MAGEB1: variants seen among roughly 807,000 people sequenced by gnomAD.
MAGEB1 encodes MAGE family member B1.
For synonymous variants in MAGEB1, 99 were observed against 105.7 expected (o/e 0.94, Z 0.39); for missense variants, 290 against 286.7 (o/e 1.01, Z -0.08).
upstream of MAGEB1, among the ~76,000 whole-genome samples, chrX:30,246,691 T>C (rs938043237): frequency 5.3e-5 from 6 of 112,221 alleles, no homozygotes; most frequent in Admixed American, 1.9e-4. Context: ...TCACCCCGTT[T>C]TGAGGCATCA....
upstream of MAGEB1, among the ~76,000 whole-genome samples, chrX:30,244,679 A>G (rs968275432): frequency 1.8e-5 from 2 of 111,992 alleles, no homozygotes; most frequent in Non-Finnish European, 3.8e-5. Context: ...CGCACTGAGC[A>G]GGGGTCACAC....
At chrX:30,246,905 G>A (rs1390599360), upstream of MAGEB1, among the ~76,000 whole-genome samples, 1 of 112,495 alleles carries the variant, frequency 8.9e-6, no homozygotes, top group Non-Finnish European at 1.9e-5. Flanking sequence ...AGGCCTGTGA[G>A]GCCCAGGCAG....
intron 1 of MAGEB1, among the ~76,000 whole-genome samples, chrX:30,249,419 G>A (rs1319012673): frequency 2.7e-5 from 3 of 111,247 alleles, no homozygotes; most frequent in Admixed American, 9.5e-5. Context: ...GTATGTCAGC[G>A]CTAGGAAGCC....
rs1369432934 is a variant in MAGEB1 at position 30,251,047 on chromosome X, A to G, written c.554A>G (p.Asn185Ser). ...YTLVSKLNLTNDGNLSNDWDF... is the reference protein window; with the variant it reads ...YTLVSKLNLTSDGNLSNDWDF... ...CTCGTCAGTAAGCTAAACCTCACCA[A>G]TGATGGAAACCTGAGCAATGATTGG... The change falls in exon 2 of 2, where the codon AAT becomes AGT. Residue 185 changes from asparagine (N) to serine (S), a missense_variant. Physicochemically the swap from Asn to Ser is conservative, Grantham distance 46 (BLOSUM62 1). Coordinates refer to ENST00000397548, the MANE Select transcript of MAGEB1 (RefSeq NM_177404.3). 12 of 1,211,134 alleles carry G rather than the reference A, an allele frequency of 9.9e-6. No homozygotes were observed. Among genetic ancestry groups the G allele is most frequent in the Non-Finnish European group, 1.3e-5 (12 of 895,162 alleles).
chrX:30,248,567 T>G (rs1925406668), intron 1 of MAGEB1, among the ~76,000 whole-genome samples: 1 of 111,229 alleles, frequency 9.0e-6, no homozygotes, highest in South Asian at 3.9e-4. Flanking sequence ...TAAAAGATGG[T>G]GACACTGAGG....
At position 30,250,600 on chromosome X, in the gene MAGEB1, A is replaced by T; in HGVS notation, c.107A>T (p.Glu36Val). 8.3e-7 allele frequency: 1 copy of T among 1,208,851 alleles called. No individual in the cohort carries two copies. The highest frequency in any genetic ancestry group is 1.8e-5 in the South Asian group (1 of 56,260). ...GCTCACGCCACTGCAGCAGAGAAAG[A>T]GGAGTGCCCCTCCTCCTCTCCTGTT... ...KVAHATAAEKEECPSSSPVLG... is the reference protein window; with the variant it reads ...KVAHATAAEKVECPSSSPVLG... Residue 36 changes from glutamate to valine, a missense_variant, in exon 2 of 2, where the codon GAG becomes GTG. Glu to Val is a moderately radical substitution (Grantham distance 121). Transcript: ENST00000397548.
In MAGEB1 at chrX:30,251,131, A is replaced by G; in HGVS notation, c.638A>G (p.Asn213Ser). 1 of 1,210,677 alleles carries G rather than the reference A, an allele frequency of 8.3e-7. No individual in the cohort carries two copies. The highest frequency in any genetic ancestry group is 3.0e-5 in the East Asian group (1 of 33,820). Residue 213 changes from asparagine to serine, a missense_variant, in exon 2 of 2, where the codon AAC (asparagine) becomes AGC (serine). Transcript: ENST00000397548. ...CTGGGTGTGATCTTCTTAAAGGGCA[A>G]CTCTGCCACCGAGGAAGAGATCTGG... is the stretch of plus-strand genomic sequence containing the variant. ...PLLGVIFLKG[N>S]SATEEEIWKF...
chrX:30,251,518 G>A lies in MAGEB1; in HGVS notation c.1025G>A (p.Arg342Lys). ...GCGCGTTCTAGAGCCCCATTCAGCA[G>A]GTCCTCCCACCCCATGTGAGAACTC... ...FRARSRAPFS[R>K]SSHPM Residue 342 changes from arginine (R) to lysine (K), a missense_variant, in exon 2 of 2, where the codon AGG (arginine) becomes AAG (lysine). By Grantham distance (26) the Arg-to-Lys change is conservative (BLOSUM62 2). Transcript: ENST00000397548. 8.3e-7 allele frequency: 1 copy of A among 1,205,989 alleles called. No homozygotes were observed. Among genetic ancestry groups the A allele is most frequent in the Non-Finnish European group, 1.1e-6 (1 of 891,971 alleles).
Position 30,250,443 on chromosome X carries a change from C to T in MAGEB1, c.-51C>T. 9.6e-7 allele frequency: 1 copy of T among 1,042,422 alleles called. No homozygotes were observed. Among genetic ancestry groups the T allele is most frequent in the Middle Eastern group, 3.2e-4 (1 of 3,102 alleles). 85.9% of individuals were successfully genotyped at this position (1,042,422 alleles called of 1,213,427 possible). ...ATTCTCTCTCCTTCAGGTGCCACAT[C>T]TCCTGCCTTTCTGCTCACTTTCCTG... On this transcript the variant is annotated 5_prime_UTR_variant, in exon 2 of 2. Coordinates refer to ENST00000397548, the MANE Select transcript of MAGEB1 (RefSeq NM_177404.3).
At chrX:30,246,912 G>A (rs989658174), upstream of MAGEB1, among the ~76,000 whole-genome samples, 6 of 112,546 alleles carry the variant, frequency 5.3e-5, no homozygotes, top group Non-Finnish European at 1.1e-4. Context: ...TGAGGCCCAG[G>A]CAGGGGTGGC....
upstream of MAGEB1, among the ~76,000 whole-genome samples, chrX:30,246,020 T>G (rs1925294858): frequency 9.0e-6 from 1 of 111,692 alleles, no homozygotes; most frequent in South Asian, 3.8e-4. Flanking sequence ...TGGTCAAATT[T>G]TTGCAGGGAT....
upstream of MAGEB1, among the ~76,000 whole-genome samples, chrX:30,246,985 T>A (rs1234932703): frequency 8.9e-6 from 1 of 112,411 alleles, no homozygotes; most frequent in Non-Finnish European, 1.9e-5. Flanking sequence ...TGTTTGAGGC[T>A]GGCGGATTTG....
intron 1 of MAGEB1, among the ~76,000 whole-genome samples, chrX:30,247,787 AG>A (rs754739668): frequency 0.015 from 1,684 of 109,829 alleles, 36 homozygotes; most frequent in African/African-American, 0.054. Flanking sequence ...TACTAAAAAT[AG>A]AAAAAATTAG....
intron 1 of MAGEB1, 88 bp downstream of exon 1, chrX:30,247,344 G>A (rs1245098310): frequency 8.9e-6 from 1 of 112,388 alleles, no homozygotes; most frequent in Admixed American, 9.3e-5. Flanking sequence ...AGCCCTCAGA[G>A]GCCCTGGGCT....
At chrX:30,248,204 C>T (rs749617769) in intron 1 of MAGEB1, among the ~76,000 whole-genome samples, 2 of 111,509 alleles carry the variant, frequency 1.8e-5, no homozygotes, top group East Asian at 5.7e-4. Context: ...GATGCTGTCC[C>T]TGGGAGTCCC....
rs764364549 is a variant in MAGEB1, at chrX:30,251,296, A to G, written c.803A>G (p.Tyr268Cys). Reference sequence around the variant, plus strand: ...GTGCCCAACAGTGATCCCCCACGCTATCAATTCCTATGGGGTCCGAGAGCC... The same window carrying G: ...GTGCCCAACAGTGATCCCCCACGCTGTCAATTCCTATGGGGTCCGAGAGCC... ...EQVPNSDPPR[Y>C]QFLWGPRAYA... Residue 268 changes from tyrosine to cysteine, a missense_variant, in exon 2 of 2, where the codon TAT (tyrosine) becomes TGT (cysteine). Coordinates refer to ENST00000397548, the MANE Select transcript of MAGEB1 (RefSeq NM_177404.3). The G allele has an allele frequency of 1.3e-5, 16 of 1,210,398 alleles. 1 individual carries two copies. In the East Asian group the frequency reaches 1.8e-4, roughly 13 times the overall value.
In MAGEB1 at chrX:30,250,747, G is replaced by A; in HGVS notation, c.254G>A (p.Cys85Tyr). ...SCTESDEGAKCQGEENASFSQ... is the reference protein window; with the variant it reads ...SCTESDEGAKYQGEENASFSQ... ...ACCGAATCTGACGAAGGTGCCAAAT[G>A]CCAAGGTGAGGAAAATGCAAGTTTC... is the stretch of plus-strand genomic sequence containing the variant. Residue 85 changes from cysteine to tyrosine, a missense_variant, in exon 2 of 2, where the codon TGC becomes TAC. Coordinates refer to ENST00000397548, the MANE Select transcript of MAGEB1 (RefSeq NM_177404.3). 1 of 1,211,274 alleles carries A rather than the reference G, an allele frequency of 8.3e-7. No homozygotes were observed. The highest frequency in any genetic ancestry group is 1.1e-6 in the Non-Finnish European group (1 of 895,215).
Position 30,251,206 on chromosome X carries a change from A to T in MAGEB1, c.713A>T (p.Tyr238Phe). Residue 238 changes from tyrosine (Y) to phenylalanine (F), a missense_variant, in exon 2 of 2, where the codon TAT becomes TTT. By Grantham distance (22) the Tyr-to-Phe change is conservative. Transcript: ENST00000397548. ...GAYDGEEHLI[Y>F]GEPRKFITQD... ...TATGATGGAGAGGAGCACTTAATCT[A>T]TGGGGAACCCCGTAAGTTCATCACC... is the stretch of plus-strand genomic sequence containing the variant. 8.3e-7 allele frequency: 1 copy of T among 1,212,073 alleles called. No homozygotes were observed. The highest frequency in any genetic ancestry group is 3.0e-5 in the East Asian group (1 of 33,852).
Position 30,251,612 on chromosome X carries a change from G to A in MAGEB1, c.*75G>A, listed in dbSNP as rs1434480237. Reference sequence around the variant, plus strand: ...TTGAAGTAGTGAGCAGCCAAGATATGGCTAGAGAGATCATCATATATATCT... The same window carrying A: ...TTGAAGTAGTGAGCAGCCAAGATATAGCTAGAGAGATCATCATATATATCT... On this transcript the variant is annotated 3_prime_UTR_variant, in exon 2 of 2. Transcript: ENST00000397548. 3 of 839,688 alleles carry A rather than the reference G, an allele frequency of 3.6e-6. No individual in the cohort carries two copies. Among genetic ancestry groups the A allele is most frequent in the Admixed American group, 6.0e-5 (2 of 33,589 alleles). 69.2% of individuals were successfully genotyped at this position (839,688 alleles called of 1,213,427 possible). A position where few individuals can be genotyped will look rare whatever the true frequency, so the allele number is the denominator to read the frequency against.
Sources: allele counts gnomAD v4.1 joint callset (sites outside exome capture counted in the v4.1 genomes callset), GRCh38; gene constraint gnomAD v4.1.1; transcripts MANE v1.5; gene names NCBI Gene and HGNC (gene_info 2026-07-23, HGNC 2026-07-21).